Variants in PAM16 observed in about 807,000 individuals in gnomAD.
PAM16 encodes the protein presequence translocase associated motor 16, also known as mitochondrial import inner membrane translocase subunit TIM16.
PAM16 carries 11 observed loss-of-function variants against 17.9 expected under a neutral mutation model. That is an observed-to-expected ratio of 0.62 (90% CI 0.39 to 1.02). The LOEUF is 1.02. PAM16 is among the 50% of genes least tolerant of loss of function. The probability of loss-of-function intolerance (pLI) is 0.01; values close to 1 mark genes in which losing one functional copy is unlikely to be tolerated. For missense variants in PAM16, 199 were observed against 165.4 expected (o/e 1.20, Z -1.11); for synonymous variants, 72 against 67.4 (o/e 1.07, Z -0.34).
At position 4,343,209 on chromosome 16, in the gene PAM16, G is replaced by A. The variant is rs762668053; in HGVS notation, c.86C>T (p.Ala29Val). ...AFARALRQEF[A>V]ASRAAADARG... ...AGGGGAGACGGACCCATGCTTACCT[G>A]CAAACTCCTGCCGCAAGGCCCGTGC... Residue 29 changes from alanine (A) to valine (V), a missense_variant and splice_region_variant, in exon 2 of 5, where the codon GCA becomes GTA. Coordinates refer to ENST00000318059, the MANE Select transcript of PAM16 (RefSeq NM_016069.11). 1.5e-5 allele frequency: 24 copies of A among 1,612,646 alleles called. No homozygotes were observed. Among genetic ancestry groups the A allele is most frequent in the Non-Finnish European group, 1.9e-5 (23 of 1,179,958 alleles).
At chr16:4,344,080 C>T in intron 1 of PAM16, 1 of 397,884 alleles carries the variant, frequency 2.5e-6, no homozygotes, top group Non-Finnish European at 4.4e-6. Context: ...TGCCGGAACA[C>T]TGCACGTGTG....
chr16:4,343,581 G>A, intron 1 of PAM16: 2 of 1,383,904 alleles, frequency 1.4e-6, no homozygotes, highest in Non-Finnish European at 1.9e-6. Flanking sequence ...AGGCAAAGTG[G>A]CTGCAACCAC....
chr16:4,350,088 T>G (rs2053824427), intron 1 of PAM16, among the ~76,000 whole-genome samples: 1 of 152,076 alleles, frequency 6.6e-6, no homozygotes, highest in South Asian at 2.1e-4. Context: ...CCTCCAGGGA[T>G]AGAGCTCAAG....
intron 2 of PAM16, among the ~76,000 whole-genome samples, chr16:4,342,958 CA>C (rs1028998711): frequency 1.3e-5 from 2 of 151,816 alleles, no homozygotes; most frequent in East Asian, 3.9e-4. Flanking sequence ...ACTCCATCTC[CA>C]AAAAAAGAAA....
intron 2 of PAM16, 94 bp downstream of exon 2, chr16:4,343,113 T>G (rs2053675225): frequency 6.4e-7 from 1 of 1,562,668 alleles, no homozygotes; most frequent in Admixed American, 1.7e-5. Flanking sequence ...CACGCACACT[T>G]CAGAACCGCC....
chr16:4,346,350 C>A (rs1416944510), intron 1 of PAM16, among the ~76,000 whole-genome samples: 1 of 152,166 alleles, frequency 6.6e-6, no homozygotes, highest in Non-Finnish European at 1.5e-5. Flanking sequence ...ATGTGGCCAC[C>A]AATAAAGCTG....
chr16:4,350,732 C>G (rs1436228411), intron 1 of PAM16, among the ~76,000 whole-genome samples: 2 of 152,180 alleles, frequency 1.3e-5, no homozygotes, highest in Non-Finnish European at 2.9e-5. Context: ...CCTAGGTGAC[C>G]TGACAGTGTG....
intron 1 of PAM16, chr16:4,345,526 C>T (rs1026644463): frequency 1.3e-5 from 2 of 152,172 alleles, no homozygotes; most frequent in Admixed American, 1.3e-4. Flanking sequence ...CCAGTGGATT[C>T]GACTCCAGAG....
At chr16:4,340,435 G>A (rs1440935714) in intron 4 of PAM16, 30 bp from the exon 5 acceptor site, 1 of 1,604,250 alleles carries the variant, frequency 6.2e-7, no homozygotes, top group South Asian at 1.1e-5. Flanking sequence ...CAGGCCGGGA[G>A]GCCAAGCCTC....
chr16:4,343,662 A>C, intron 1 of PAM16: 1 of 877,164 alleles, frequency 1.1e-6, no homozygotes, highest in Non-Finnish European at 1.6e-6. Flanking sequence ...GCAGTAACTC[A>C]CTCTCGACCC....
intron 1 of PAM16, chr16:4,345,424 C>A (rs773797111): frequency 6.6e-6 from 1 of 152,070 alleles, no homozygotes; most frequent in Non-Finnish European, 1.5e-5. Flanking sequence ...GCAGTCACTA[C>A]GCAGGGTCCC....
intron 1 of PAM16, among the ~76,000 whole-genome samples, chr16:4,349,409 A>G (rs758643072): frequency 6.6e-6 from 1 of 152,200 alleles, no homozygotes; most frequent in Non-Finnish European, 1.5e-5. Flanking sequence ...TCTACAAAAA[A>G]TACAAAAAAT....
intron 1 of PAM16, chr16:4,347,967 G>A (rs2053783601): frequency 6.6e-6 from 1 of 152,258 alleles, no homozygotes; most frequent in African/African-American, 2.4e-5. Flanking sequence ...TGCTGTGGGA[G>A]GCACTCAGCA....
In PAM16 at chr16:4,345,061, T is replaced by C. The variant is rs549690472; in HGVS notation, c.4-1770A>G. ...CGGATGACATGGAAAGATGCACAGA[T>C]CTTTGTGAAACAAAGCGATTATATA... is the stretch of plus-strand genomic sequence containing the variant. On this transcript the variant is annotated intron_variant, in intron 1 of 4. Coordinates refer to ENST00000318059, the MANE Select transcript of PAM16 (RefSeq NM_016069.11). 3.9e-5 allele frequency among the ~76,000 whole-genome samples: 6 copies of C among 152,154 alleles called. No individual in the cohort carries two copies. The East Asian group carries it at 1.2e-3, about 29-fold the overall frequency.
Position 4,341,499 on chromosome 16 carries a change from G to A in PAM16, c.94C>T (p.Arg32Trp), listed in dbSNP as rs764298943. Residue 32 changes from arginine to tryptophan, a missense_variant, in exon 3 of 5, where the codon CGG (arginine) becomes TGG (tryptophan). Coordinates refer to ENST00000318059, the MANE Select transcript of PAM16 (RefSeq NM_016069.11). ...CGTCCTCGGGCATCAGCTGCGGCCCGGCTGGCTGTGTGGACATGTGGGTGA... is the reference window on the plus strand; with the variant it reads ...CGTCCTCGGGCATCAGCTGCGGCCCAGCTGGCTGTGTGGACATGTGGGTGA... Reference protein sequence around the residue: ...RALRQEFAASRAAADARGRAG... With the variant: ...RALRQEFAASWAAADARGRAG... 3.9e-5 allele frequency: 63 copies of A among 1,607,474 alleles called. No individual in the cohort carries two copies. Among genetic ancestry groups the A allele is most frequent in the African/African-American group, 8.0e-5 (6 of 74,866 alleles).
intron 1 of PAM16, chr16:4,343,667 C>T (rs2053687319): frequency 4.9e-6 from 4 of 816,150 alleles, no homozygotes; most frequent in Non-Finnish European, 5.1e-6. Flanking sequence ...AACTCACTCT[C>T]GACCCTGGGG....
intron 4 of PAM16, among the ~76,000 whole-genome samples, 154 bp downstream of exon 4, chr16:4,340,766 G>A (rs1000540370): frequency 2.6e-5 from 4 of 152,178 alleles, no homozygotes; most frequent in African/African-American, 9.6e-5. Context: ...CAGTTCAGGG[G>A]GCCTCCCTGA....
chr16:4,341,672 G>C (rs1446863090), intron 2 of PAM16, 168 bp from the exon 3 acceptor site: 3 of 1,193,554 alleles, frequency 2.5e-6, no homozygotes, highest in Non-Finnish European at 3.4e-6. Flanking sequence ...GGGGGTAGAG[G>C]CTGGGAAAGT....
chr16:4,340,472 A>AATAGGCCATCCCATG, intron 4 of PAM16, 67 bp from the exon 5 acceptor site: 1 of 1,554,940 alleles, frequency 6.4e-7, no homozygotes, highest in Non-Finnish European at 8.8e-7. Context: ...CCCACATGGG[A>AATAGGCCATCCCATG]TGGCCTATTC....
Sources: allele counts gnomAD v4.1 joint callset (sites outside exome capture counted in the v4.1 genomes callset), GRCh38; gene constraint gnomAD v4.1.1; transcripts MANE v1.5; gene names NCBI Gene and HGNC (gene_info 2026-07-23, HGNC 2026-07-21).